CSTPP1: variants seen among roughly 807,000 people sequenced by gnomAD.
The protein encoded by CSTPP1 is centriolar satellite-associated tubulin polyglutamylase complex regulator 1.
the CSTPP1 span, chr11:46,987,067 CTA>C: frequency 1.4e-6 from 1 of 733,382 alleles, no homozygotes; most frequent in Non-Finnish European, 2.3e-6. Flanking sequence ...TTTGCTTTGC[CTA>C]TTCCAGTCCA....
the CSTPP1 span, among the ~76,000 whole-genome samples, chr11:47,066,698 TG>T: frequency 6.6e-6 from 1 of 152,384 alleles, no homozygotes; most frequent in East Asian, 1.9e-4. Context: ...TATTTGTGAT[TG>T]TTTTTTAATT....
the CSTPP1 span, among the ~76,000 whole-genome samples, chr11:47,079,391 G>T: frequency 2.0e-5 from 3 of 152,168 alleles, no homozygotes; most frequent in Non-Finnish European, 4.4e-5. Flanking sequence ...GATGCAGATC[G>T]CAAAACTGGC....
the CSTPP1 span, among the ~76,000 whole-genome samples, chr11:46,966,954 G>A: frequency 6.6e-6 from 1 of 151,992 alleles, no homozygotes. Context: ...CTCCTGGTGA[G>A]GGCTCCCTTC....
the CSTPP1 span, chr11:47,130,751 G>A: frequency 6.6e-6 from 1 of 152,390 alleles, no homozygotes; most frequent in African/African-American, 2.4e-5. Flanking sequence ...CCAGGGATTG[G>A]AAGGGGTGGT....
chr11:47,021,708 T>C, the CSTPP1 span, among the ~76,000 whole-genome samples: 1 of 152,162 alleles, frequency 6.6e-6, no homozygotes, highest in African/African-American at 2.4e-5. Flanking sequence ...AATTGGGAGC[T>C]GAGAGTGTTA....
the CSTPP1 span, among the ~76,000 whole-genome samples, chr11:47,039,712 G>T: frequency 1.6e-5 from 2 of 128,016 alleles, no homozygotes; most frequent in Non-Finnish European, 3.7e-5. Context: ...GGTGGCGGGC[G>T]CCTGTAGTCC....
the CSTPP1 span, among the ~76,000 whole-genome samples, chr11:47,026,440 AT>A: frequency 7.4e-3 from 1,119 of 151,668 alleles, 12 homozygotes; most frequent in African/African-American, 0.026. Context: ...AATTGTTGTT[AT>A]TTTTTTTTAA....
the CSTPP1 span, chr11:47,154,854 C>T: frequency 2.2e-6 from 1 of 450,642 alleles, no homozygotes; most frequent in Non-Finnish European, 4.0e-6. Context: ...TACAGTTGCA[C>T]CCTCTCCTCG....
At chr11:47,087,021 G>A in the CSTPP1 span, among the ~76,000 whole-genome samples, 9 of 152,100 alleles carry the variant, frequency 5.9e-5, no homozygotes, top group South Asian at 2.1e-4. Flanking sequence ...ACATCCTTGC[G>A]AACAAGGAGA....
chr11:47,094,416 C>T, the CSTPP1 span, among the ~76,000 whole-genome samples: 12,003 of 151,846 alleles, frequency 0.079, 495 homozygotes, highest in Non-Finnish European at 0.09. Flanking sequence ...TTATAACTAA[C>T]AAAATTAGGA....
the CSTPP1 span, among the ~76,000 whole-genome samples, chr11:47,065,341 G>T: frequency 6.6e-6 from 1 of 150,834 alleles, no homozygotes; most frequent in Non-Finnish European, 1.5e-5. Flanking sequence ...AAAGTGTCTT[G>T]CTCTGTTGCC....
chr11:47,085,525 G>A, the CSTPP1 span, among the ~76,000 whole-genome samples: 15 of 152,070 alleles, frequency 9.9e-5, no homozygotes, highest in Non-Finnish European at 1.6e-4. Flanking sequence ...GCAGTCAAAC[G>A]TAGTTGAGAT....
chr11:47,054,779 T>C, the CSTPP1 span, among the ~76,000 whole-genome samples: 1 of 152,146 alleles, frequency 6.6e-6, no homozygotes, highest in Non-Finnish European at 1.5e-5. Flanking sequence ...GAAGGGGCAC[T>C]TTCAGAGATA....
the CSTPP1 span, among the ~76,000 whole-genome samples, chr11:46,950,762 C>T: frequency 6.6e-6 from 1 of 152,074 alleles, no homozygotes; most frequent in Non-Finnish European, 1.5e-5. Flanking sequence ...TAGGCGCCTG[C>T]TATCACGCCT....
the CSTPP1 span, among the ~76,000 whole-genome samples, chr11:46,974,769 C>T: frequency 2.6e-5 from 4 of 151,220 alleles, no homozygotes; most frequent in South Asian, 2.1e-4. Flanking sequence ...GTGGGAGGCT[C>T]GCTTGAACCT....
chr11:46,958,586 A>C, the CSTPP1 span, among the ~76,000 whole-genome samples: 1 of 152,136 alleles, frequency 6.6e-6, no homozygotes, highest in Non-Finnish European at 1.5e-5. Context: ...CTGGGGTTAC[A>C]AGTGTGAGCC....
chr11:46,940,554 G>T, the CSTPP1 span, among the ~76,000 whole-genome samples: 1 of 152,158 alleles, frequency 6.6e-6, no homozygotes, highest in Non-Finnish European at 1.5e-5. Context: ...GTGACAGATA[G>T]TCTGAGTAGA....
At chr11:47,157,341 A>G in the CSTPP1 span, 1 of 1,113,340 alleles carries the variant, frequency 9.0e-7, no homozygotes, top group Non-Finnish European at 1.2e-6. Context: ...GCTGGTCATA[A>G]TGTAACAGTG....
the CSTPP1 span, among the ~76,000 whole-genome samples, chr11:47,083,599 G>A: frequency 4.6e-5 from 7 of 152,112 alleles, no homozygotes; most frequent in Non-Finnish European, 8.8e-5. Flanking sequence ...ATTCTTGCCA[G>A]CATTTGATGT....
Sources: allele counts gnomAD v4.1 joint callset (sites outside exome capture counted in the v4.1 genomes callset), GRCh38; gene constraint gnomAD v4.1.1; transcripts MANE v1.5; gene names NCBI Gene and HGNC (gene_info 2026-07-23, HGNC 2026-07-21).